Variants in LRP1B observed in about 807,000 individuals in gnomAD.
The protein encoded by LRP1B is low-density lipoprotein receptor-related protein 1B.
A neutral mutation model predicts 556.6 loss-of-function variants in LRP1B; 217 were observed. The ratio of observed to expected loss-of-function variants is 0.39; its 90% CI spans 0.35 to 0.44. The LOEUF (loss-of-function observed/expected upper bound fraction) is 0.44. Ranked by LOEUF, LRP1B falls within the 20% of genes least tolerant of loss-of-function variation. The probability of loss-of-function intolerance (pLI) is 1.00; values close to 1 mark genes in which losing one functional copy is unlikely to be tolerated. For synonymous variants in LRP1B, 2,047 were observed against 1,865.8 expected (o/e 1.10, Z -2.50); for missense variants, 5,053 against 5,620.8 (o/e 0.90, Z 3.23).
Position 140,461,012 on chromosome 2 carries a change from A to G in LRP1B, c.9626-3361T>C, listed in dbSNP as rs564305495. On this transcript the variant is annotated intron_variant, in intron 60 of 90. Coordinates refer to ENST00000389484, the MANE Select transcript of LRP1B (RefSeq NM_018557.3). Reference sequence around the variant, plus strand: ...CGGGAGGTGGAGGTTGCAGTGAGCCAAGATCGCACCACTGCACTCCAGCCT... The same window carrying G: ...CGGGAGGTGGAGGTTGCAGTGAGCCGAGATCGCACCACTGCACTCCAGCCT... Among the ~76,000 whole-genome samples, 8 of 151,148 alleles carry G rather than the reference A, an allele frequency of 5.3e-5. No homozygotes were observed. The East Asian group carries it at 1.4e-3, about 26-fold the overall frequency.
chr2:140,396,969 A>G (rs1684282870), intron 66 of LRP1B, among the ~76,000 whole-genome samples: 2 of 152,154 alleles, frequency 1.3e-5, no homozygotes, highest in Non-Finnish European at 2.9e-5. Flanking sequence ...TTCATTTTAC[A>G]AGCAAATAAC....
At chr2:141,506,871 T>C (rs972474216) in intron 2 of LRP1B, among the ~76,000 whole-genome samples, 7 of 152,276 alleles carry the variant, frequency 4.6e-5, no homozygotes, top group East Asian at 3.9e-4. Context: ...AATTGAAACA[T>C]AGTTCTAATT....
chr2:141,324,763 T>C (rs1043796157), intron 3 of LRP1B, among the ~76,000 whole-genome samples: 4 of 152,104 alleles, frequency 2.6e-5, no homozygotes, highest in African/African-American at 9.7e-5. Context: ...TTTATTATAT[T>C]TTAAAATTGG....
intron 3 of LRP1B, among the ~76,000 whole-genome samples, chr2:141,402,661 T>A (rs1353026771): frequency 3.3e-5 from 5 of 152,128 alleles, no homozygotes; most frequent in Non-Finnish European, 2.9e-5. Context: ...TATATTCTTA[T>A]AGATACAATC....
chr2:140,468,641 G>A (rs1687642989), intron 60 of LRP1B, among the ~76,000 whole-genome samples: 1 of 152,222 alleles, frequency 6.6e-6, no homozygotes, highest in African/African-American at 2.4e-5. Flanking sequence ...AGGCCCCCCT[G>A]GAACTTTTGG....
chr2:141,614,153 T>C (rs1005813193), intron 2 of LRP1B, among the ~76,000 whole-genome samples: 7 of 148,622 alleles, frequency 4.7e-5, no homozygotes, highest in Non-Finnish European at 1.0e-4. Context: ...AATGGGTTAG[T>C]AGACACTGTG....
At chr2:141,283,877 G>C (rs1685603949) in intron 3 of LRP1B, among the ~76,000 whole-genome samples, 1 of 151,688 alleles carries the variant, frequency 6.6e-6, no homozygotes, top group South Asian at 2.1e-4. Flanking sequence ...GAATAATATA[G>C]GTATTTTATA....
At chr2:140,883,726 A>T in intron 25 of LRP1B, 91 bp downstream of exon 25, 1 of 1,039,706 alleles carries the variant, frequency 9.6e-7, no homozygotes, top group Non-Finnish European at 1.4e-6. Flanking sequence ...AACCACTTTG[A>T]CTCATAATTG....
At chr2:140,477,075 C>G (rs1424198429) in intron 59 of LRP1B, among the ~76,000 whole-genome samples, 1 of 151,972 alleles carries the variant, frequency 6.6e-6, no homozygotes, top group East Asian at 1.9e-4. Flanking sequence ...TCAGTACTTT[C>G]CAATAAATTT....
At chr2:141,745,368 C>T (rs1693876466) in intron 2 of LRP1B, among the ~76,000 whole-genome samples, 1 of 152,128 alleles carries the variant, frequency 6.6e-6, no homozygotes, top group Non-Finnish European at 1.5e-5. Flanking sequence ...TATTTTACTG[C>T]ATCTGAGCTG....
chr2:140,403,211 A>G (rs923731659), intron 66 of LRP1B, among the ~76,000 whole-genome samples: 2 of 152,184 alleles, frequency 1.3e-5, no homozygotes, highest in Non-Finnish European at 2.9e-5. Context: ...AGTAATTCTG[A>G]TAACATGATA....
chr2:140,235,459 G>A (rs543123625), intron 89 of LRP1B, among the ~76,000 whole-genome samples: 3 of 151,186 alleles, frequency 2.0e-5, no homozygotes, highest in Admixed American at 6.6e-5. Flanking sequence ...GATTATTAAG[G>A]TTGCTTCAAT....
intron 41 of LRP1B, among the ~76,000 whole-genome samples, chr2:140,608,408 C>T (rs377041995): frequency 2.0e-5 from 3 of 152,292 alleles, no homozygotes; most frequent in Admixed American, 1.3e-4. Context: ...TGTAATAATG[C>T]TACTTTTCGT....
At chr2:140,461,077 A>G (rs919125481) in intron 60 of LRP1B, among the ~76,000 whole-genome samples, 1 of 151,578 alleles carries the variant, frequency 6.6e-6, no homozygotes, top group Non-Finnish European at 1.5e-5. Context: ...AAGAAAAAAA[A>G]AAAAAAAGAA....
intron 1 of LRP1B, among the ~76,000 whole-genome samples, chr2:141,849,282 G>A (rs1356149071): frequency 6.6e-6 from 1 of 151,412 alleles, no homozygotes; most frequent in African/African-American, 2.4e-5. Context: ...TGAAAATTTT[G>A]TCTCTTCATA....
intron 1 of LRP1B, among the ~76,000 whole-genome samples, chr2:141,966,963 A>G (rs1260295530): frequency 6.6e-6 from 1 of 151,742 alleles, no homozygotes; most frequent in Non-Finnish European, 1.5e-5. Context: ...AGTTTCCCTA[A>G]GTCAAGTCTA....
intron 2 of LRP1B, among the ~76,000 whole-genome samples, chr2:141,638,257 T>C (rs1407758245): frequency 3.9e-5 from 6 of 152,142 alleles, no homozygotes; most frequent in Non-Finnish European, 8.8e-5. Context: ...TGCCATGTGA[T>C]GTGCTGGCTC....
At chr2:140,532,692 G>A (rs1197595133) in intron 47 of LRP1B, among the ~76,000 whole-genome samples, 1 of 151,850 alleles carries the variant, frequency 6.6e-6, no homozygotes, top group East Asian at 1.9e-4. Context: ...ACCACGCCTG[G>A]CCCTTCTGTT....
rs1385446460 is a variant in LRP1B at position 141,402,617 on chromosome 2, AC to A, written c.343+77778del. On this transcript the variant is annotated intron_variant, in intron 3 of 90. Coordinates refer to ENST00000389484, the MANE Select transcript of LRP1B (RefSeq NM_018557.3). ...AGACCAAAGTTGTATCTTCATGTATACTTTTATTATTTCCTGCACACTGGTG... is the reference window on the plus strand; with the variant it reads ...AGACCAAAGTTGTATCTTCATGTATATTTTATTATTTCCTGCACACTGGTG... Among the ~76,000 whole-genome samples the A allele has an allele frequency of 3.3e-5, 5 of 152,108 alleles. No individual in the cohort carries two copies. In the East Asian group the frequency reaches 9.6e-4, roughly 29 times the overall value.
Sources: gnomAD v4.1 joint callset for allele counts (sites outside exome capture counted in the v4.1 genomes callset) on GRCh38, gnomAD v4.1.1 for gene constraint, MANE v1.5 for transcripts, NCBI Gene and HGNC (gene_info 2026-07-23, HGNC 2026-07-21) for gene names.